Variants in PDE10A observed in about 807,000 individuals in gnomAD.
PDE10A encodes the protein phosphodiesterase 10A.
PDE10A carries 39 observed loss-of-function variants against 97.7 expected under a neutral mutation model. The observed-to-expected ratio is 0.40, with a 90% confidence interval of 0.31 to 0.52. The LOEUF is 0.52. Among genes scored for constraint, PDE10A ranks in the 20% least tolerant of loss-of-function variants. The probability of loss-of-function intolerance (pLI) is 0.56; values close to 1 mark genes in which losing one functional copy is unlikely to be tolerated. For synonymous variants in PDE10A, 371 were observed against 376.8 expected (o/e 0.98, Z 0.18); for missense variants, 731 against 1,047.8 (o/e 0.70, Z 4.17).
intron 1 of PDE10A, among the ~76,000 whole-genome samples, chr6:165,792,584 A>G (rs955250344): frequency 6.6e-6 from 1 of 152,028 alleles, no homozygotes; most frequent in East Asian, 1.9e-4. Context: ...TCTCCGCTGC[A>G]GGGTTCCTCT....
At chr6:165,880,553 T>C (rs781312698) in intron 1 of PDE10A, among the ~76,000 whole-genome samples, 20 of 152,336 alleles carry the variant, frequency 1.3e-4, no homozygotes, top group Middle Eastern at 3.4e-3. Flanking sequence ...AATGAGATTC[T>C]TTTTTTCTAA....
chr6:165,881,890 A>G (rs1033184309), intron 1 of PDE10A, among the ~76,000 whole-genome samples: 8 of 152,196 alleles, frequency 5.3e-5, no homozygotes, highest in African/African-American at 1.9e-4. Flanking sequence ...AAGTCACTTG[A>G]AAAAACATTG....
At position 165,435,245 on chromosome 6, in the gene PDE10A, T is replaced by C. The variant is rs1429270175; in HGVS notation, c.1327A>G (p.Ile443Val). 1.2e-6 allele frequency: 2 copies of C among 1,613,306 alleles called. No homozygotes were observed. The highest frequency in any genetic ancestry group is 1.7e-6 in the Non-Finnish European group (2 of 1,179,698). Reference sequence around the variant, plus strand: ...ATCAAAAAGCCACTTACTCCAAGGATGTCTTCTACTAGCAGTGTTTTCCTG... The same window carrying C: ...ATCAAAAAGCCACTTACTCCAAGGACGTCTTCTACTAGCAGTGTTTTCCTG... ...KSRKTLLVED[I>V]LGDERFPRGT... is the part of the protein sequence containing the mutation. The change falls in exon 6 of 22, where the codon ATC becomes GTC. Residue 443 changes from isoleucine (I) to valine (V), a missense_variant. This residue lies in a region of PDE10A where 152 missense variants were observed against 199.3 expected (regional missense o/e 0.76). Transcript: ENST00000539869.
intron 1 of PDE10A, among the ~76,000 whole-genome samples, chr6:165,759,752 G>A (rs896965395): frequency 1.3e-5 from 2 of 152,198 alleles, no homozygotes; most frequent in Non-Finnish European, 2.9e-5. Flanking sequence ...AACCTCCTCA[G>A]TGAAAACGTG....
chr6:165,473,903 A>G (rs1218808660), intron 3 of PDE10A, among the ~76,000 whole-genome samples: 1 of 152,242 alleles, frequency 6.6e-6, no homozygotes, highest in Admixed American at 6.5e-5. Flanking sequence ...AATTTCCACA[A>G]GGCTCAGGTA....
chr6:165,617,195 G>C (rs1343668107), intron 1 of PDE10A, among the ~76,000 whole-genome samples: 1 of 152,152 alleles, frequency 6.6e-6, no homozygotes, highest in East Asian at 1.9e-4. Context: ...TCTTAGCGAA[G>C]GAAGAGTTAC....
intron 2 of PDE10A, among the ~76,000 whole-genome samples, chr6:165,540,442 A>G (rs1783363601): frequency 6.6e-6 from 1 of 152,136 alleles, no homozygotes; most frequent in Admixed American, 6.5e-5. Context: ...ACAAAAAATG[A>G]AATAATTTAG....
chr6:165,676,904 GC>G (rs1790814156), intron 1 of PDE10A, among the ~76,000 whole-genome samples: 1 of 152,224 alleles, frequency 6.6e-6, no homozygotes, highest in African/African-American at 2.4e-5. Flanking sequence ...TCACAGCATG[GC>G]TGGGGCCTCC....
chr6:165,750,985 T>C (rs1792985743), intron 1 of PDE10A, among the ~76,000 whole-genome samples: 1 of 152,272 alleles, frequency 6.6e-6, no homozygotes, highest in Middle Eastern at 3.4e-3. Flanking sequence ...ATATGACCCC[T>C]AGTGTGCCTT....
Position 165,336,478 on chromosome 6 carries a change from G to A in PDE10A, c.2977-267C>T, listed in dbSNP as rs539716572. ...TACCTACTGAAATCTGGCCGGGCGC[G>A]GTGGCTCACGCCTGTAATCCCAGCA... On this transcript the variant is annotated intron_variant, in intron 20 of 21. Transcript: ENST00000539869. 1.6e-3 allele frequency among the ~76,000 whole-genome samples: 237 copies of A among 152,234 alleles called. 1 individual carries two copies. Among genetic ancestry groups the A allele is most frequent in the African/African-American group, 5.2e-3 (217 of 41,548 alleles).
At chr6:165,399,693 G>C in intron 13 of PDE10A, among the ~76,000 whole-genome samples, 1 of 151,568 alleles carries the variant, frequency 6.6e-6, no homozygotes. Flanking sequence ...TTCTGTCCTT[G>C]CGATAGTTTG....
At chr6:165,505,833 T>A (rs965101685) in intron 2 of PDE10A, among the ~76,000 whole-genome samples, 3 of 152,148 alleles carry the variant, frequency 2.0e-5, no homozygotes, top group African/African-American at 7.2e-5. Flanking sequence ...TACAGATTGG[T>A]TGCATTCAAA....
chr6:165,904,033 TG>T, intron 1 of PDE10A, among the ~76,000 whole-genome samples: 1 of 152,230 alleles, frequency 6.6e-6, no homozygotes, highest in South Asian at 2.1e-4. Context: ...GAAGTGGGGA[TG>T]GAAACATTGG....
chr6:165,986,780 G>A (rs866385566), intron 1 of PDE10A, among the ~76,000 whole-genome samples: 1 of 151,698 alleles, frequency 6.6e-6, no homozygotes, highest in South Asian at 2.1e-4. Context: ...GCTTGGCTTG[G>A]GGGGAGGGGG....
chr6:165,943,318 GGAAAGAAAGAAAAA>G (rs1783638763), intron 1 of PDE10A, among the ~76,000 whole-genome samples: 3 of 66,980 alleles, frequency 4.5e-5, no homozygotes, highest in South Asian at 8.7e-4. Context: ...AAGGAAGGAA[GGAAAGAAAGAAAAA>G]GAAAGAAAGA....
At chr6:165,337,606 A>G (rs1247888085) in intron 20 of PDE10A, among the ~76,000 whole-genome samples, 1 of 152,250 alleles carries the variant, frequency 6.6e-6, no homozygotes, top group Admixed American at 6.5e-5. Flanking sequence ...ATTATGGCAA[A>G]TAATTTCACA....
intron 1 of PDE10A, among the ~76,000 whole-genome samples, chr6:165,824,162 C>T (rs1272375775): frequency 6.6e-6 from 1 of 152,046 alleles, no homozygotes; most frequent in Non-Finnish European, 1.5e-5. Flanking sequence ...GCGGAGAGTG[C>T]CTGGCACATA....
At chr6:165,434,424 T>TA (rs1789845990) in intron 6 of PDE10A, among the ~76,000 whole-genome samples, 1 of 152,222 alleles carries the variant, frequency 6.6e-6, no homozygotes, top group Admixed American at 6.5e-5. Flanking sequence ...GTGTACTTGT[T>TA]ACCTTTGAAG....
intron 1 of PDE10A, among the ~76,000 whole-genome samples, chr6:165,959,467 A>C (rs1226244789): frequency 6.6e-6 from 1 of 152,234 alleles, no homozygotes; most frequent in Non-Finnish European, 1.5e-5. Flanking sequence ...TGCCCTCCCT[A>C]TGACAAGTAT....
Sources: allele counts gnomAD v4.1 joint callset (sites outside exome capture counted in the v4.1 genomes callset), GRCh38; gene constraint gnomAD v4.1.1; regional missense constraint gnomAD v4.1.1; transcripts MANE v1.5; gene names NCBI Gene and HGNC (gene_info 2026-07-23, HGNC 2026-07-21).